Variants in VWC2L observed in about 807,000 individuals in gnomAD.
VWC2L encodes von Willebrand factor C domain-containing protein 2-like.
In VWC2L, 10 loss-of-function variants were observed where a neutral mutation model predicts 21.6. The observed-to-expected ratio is 0.46, with a 90% CI of 0.29 to 0.78. The LOEUF (loss-of-function observed/expected upper bound fraction) is 0.78. Among genes scored for constraint, VWC2L ranks in the 30% least tolerant of loss-of-function variants. The pLI is 0.10. For synonymous variants in VWC2L, 96 were observed against 94.3 expected (o/e 1.02, Z -0.10); for missense variants, 209 against 277.1 (o/e 0.75, Z 1.74).
chr2:214,505,270 T>C (rs530614875), intron 3 of VWC2L, among the ~76,000 whole-genome samples: 1 of 152,334 alleles, frequency 6.6e-6, no homozygotes, highest in Admixed American at 6.5e-5. Context: ...AGAAGCAGTG[T>C]GATTTCTACT....
rs565718637 is a variant in VWC2L, at chr2:214,503,911, T to C, written c.520+67153T>C. Among the ~76,000 whole-genome samples the C allele has an allele frequency of 1.9e-3, 290 of 152,328 alleles. 1 individual carries two copies. The highest frequency in any genetic ancestry group is 3.0e-3 in the Non-Finnish European group (206 of 68,024). On this transcript the variant is annotated intron_variant, in intron 3 of 3. Transcript: ENST00000312504. ...GGCTCTGTAATCAGCAGCTACCTGA[T>C]ATTCCCTTGAAATTCTTCCATCTGT...
rs201747603 is a variant in VWC2L at position 214,431,029 on chromosome 2, T to TG, written c.391-5597dup. On this transcript the variant is annotated intron_variant, in intron 2 of 3. Transcript: ENST00000312504. ...AGGAGCATTTTAATCAGTGATGCTA[T>TG]GGGTCATCTTTTAGACAATTGTGAA... is the stretch of plus-strand genomic sequence containing the variant. Among the ~76,000 whole-genome samples, 1,457 of 152,336 alleles carry TG rather than the reference T, an allele frequency of 9.6e-3. 10 individuals are homozygous for TG. Among genetic ancestry groups the TG allele is most frequent in the Non-Finnish European group, 0.017 (1,132 of 68,032 alleles).
intron 3 of VWC2L, among the ~76,000 whole-genome samples, chr2:214,494,938 C>A (rs1386544692): frequency 6.6e-6 from 1 of 152,104 alleles, no homozygotes; most frequent in African/African-American, 2.4e-5. Context: ...TCCAGGCCAA[C>A]TCTTAGATTT....
At chr2:214,571,650 C>G (rs962762382) in intron 3 of VWC2L, among the ~76,000 whole-genome samples, 3 of 152,152 alleles carry the variant, frequency 2.0e-5, no homozygotes, top group Admixed American at 2.0e-4. Context: ...TAAGAAATAA[C>G]AAACCTTCAG....
At chr2:214,557,750 A>G (rs1689895970) in intron 3 of VWC2L, among the ~76,000 whole-genome samples, 1 of 152,086 alleles carries the variant, frequency 6.6e-6, no homozygotes, top group African/African-American at 2.4e-5. Context: ...CCTAGTGCCT[A>G]TTACTATAGA....
At chr2:214,574,866 GA>G (rs2105936101) in intron 3 of VWC2L, among the ~76,000 whole-genome samples, 1 of 151,820 alleles carries the variant, frequency 6.6e-6, no homozygotes, top group African/African-American at 2.4e-5. Flanking sequence ...GGGAAAGTAA[GA>G]AAAAGGAGGG....
rs1415531555 is a variant in VWC2L, at chr2:214,551,234, CT to C, written c.521-24437del. Among the ~76,000 whole-genome samples the C allele has an allele frequency of 2.0e-5, 3 of 152,180 alleles. No individual in the cohort carries two copies. In the East Asian group the frequency reaches 5.8e-4, roughly 29 times the overall value. On this transcript the variant is annotated intron_variant, in intron 3 of 3. Transcript: ENST00000312504. ...TCATAACATGCTGCAAGTATAAATT[CT>C]GTAAATAGGAAGAAAATATAAAGGA...
At chr2:214,489,353 C>T (rs1310466518) in intron 3 of VWC2L, among the ~76,000 whole-genome samples, 2 of 151,982 alleles carry the variant, frequency 1.3e-5, no homozygotes, top group Non-Finnish European at 2.9e-5. Context: ...AAGTCTATAG[C>T]AGAAGAGAAA....
chr2:214,493,732 T>TGTCC (rs1310177434), intron 3 of VWC2L, among the ~76,000 whole-genome samples: 1 of 152,210 alleles, frequency 6.6e-6, no homozygotes, highest in Non-Finnish European at 1.5e-5. Flanking sequence ...CTCTATCAAC[T>TGTCC]GTCCATCTAA....
intron 3 of VWC2L, among the ~76,000 whole-genome samples, chr2:214,545,786 C>G (rs1689696784): frequency 6.6e-6 from 1 of 152,150 alleles, no homozygotes; most frequent in South Asian, 2.1e-4. Flanking sequence ...TTCCAACAAT[C>G]TGGCCACAGA....
intron 3 of VWC2L, among the ~76,000 whole-genome samples, chr2:214,449,313 T>C (rs1232282858): frequency 3.9e-5 from 6 of 152,312 alleles, no homozygotes; most frequent in Middle Eastern, 3.4e-3. Flanking sequence ...AGGGGGTTGA[T>C]TGGACTTTTT....
intron 3 of VWC2L, among the ~76,000 whole-genome samples, chr2:214,489,141 C>G (rs1482028942): frequency 6.6e-6 from 1 of 152,144 alleles, no homozygotes; most frequent in Non-Finnish European, 1.5e-5. Context: ...AGTCCCCAAT[C>G]TCTTATCCAG....
At chr2:214,421,656 G>C (rs1175675248) in intron 2 of VWC2L, among the ~76,000 whole-genome samples, 1 of 151,944 alleles carries the variant, frequency 6.6e-6, no homozygotes, top group South Asian at 2.1e-4. Context: ...GTCATCAGTA[G>C]TTTACAGACA....
intron 3 of VWC2L, among the ~76,000 whole-genome samples, chr2:214,549,758 C>G (rs894182962): frequency 6.6e-6 from 1 of 152,178 alleles, no homozygotes; most frequent in African/African-American, 2.4e-5. Flanking sequence ...GGCAACAGAG[C>G]GAGACTCCGT....
chr2:214,500,659 C>G (rs529112074), intron 3 of VWC2L, among the ~76,000 whole-genome samples: 24 of 152,180 alleles, frequency 1.6e-4, no homozygotes, highest in African/African-American at 5.8e-4. Flanking sequence ...GCCCCTTTAT[C>G]TGCAAAAAAG....
chr2:214,470,964 G>A (rs1307596009), intron 3 of VWC2L, among the ~76,000 whole-genome samples: 3 of 147,914 alleles, frequency 2.0e-5, no homozygotes, highest in African/African-American at 7.5e-5. Context: ...CGCGTAATGG[G>A]CATATTAAGA....
At chr2:214,520,879 C>T (rs889501161) in intron 3 of VWC2L, among the ~76,000 whole-genome samples, 1 of 151,976 alleles carries the variant, frequency 6.6e-6, no homozygotes, top group African/African-American at 2.4e-5. Context: ...CAGATCAGTG[C>T]TTTTTTATAT....
intron 3 of VWC2L, among the ~76,000 whole-genome samples, chr2:214,559,563 G>A (rs929057594): frequency 4.0e-5 from 6 of 151,338 alleles, no homozygotes; most frequent in Admixed American, 3.3e-4. Flanking sequence ...AATCCCCTTA[G>A]TATATGAACT....
intron 2 of VWC2L, among the ~76,000 whole-genome samples, chr2:214,421,885 CTTTT>C (rs761759449): frequency 3.0e-4 from 23 of 76,168 alleles, no homozygotes; most frequent in African/African-American, 1.1e-3. Context: ...TTTCCTACAT[CTTTT>C]TTTTTTTTTT....
Sources: gnomAD v4.1 joint callset for allele counts (sites outside exome capture counted in the v4.1 genomes callset) on GRCh38, gnomAD v4.1.1 for gene constraint, MANE v1.5 for transcripts, NCBI Gene and HGNC (gene_info 2026-07-23, HGNC 2026-07-21) for gene names.